The following CNTN5 variants were observed in gnomAD, a reference collection of about 807,000 sequenced individuals.
CNTN5 encodes the protein contactin-5.
In CNTN5, 77 loss-of-function variants were observed where a neutral mutation model predicts 129.1. The ratio of observed to expected loss-of-function variants is 0.60; its 90% CI spans 0.50 to 0.72. CNTN5 has a LOEUF of 0.72. Ranked by LOEUF, CNTN5 falls within the 30% of genes least tolerant of loss-of-function variation. The pLI, the probability that CNTN5 is intolerant of heterozygous loss-of-function variation, is 0.00. For missense variants in CNTN5, 1,478 were observed against 1,328.8 expected (o/e 1.11, Z -1.75); for synonymous variants, 509 against 465.6 (o/e 1.09, Z -1.20).
intron 3 of CNTN5, among the ~76,000 whole-genome samples, chr11:99,777,346 C>T (rs554754695): frequency 4.2e-4 from 64 of 151,880 alleles, no homozygotes; most frequent in Non-Finnish European, 5.9e-4. Flanking sequence ...AAGCACTGTT[C>T]TTCTGTTCAG....
At chr11:99,474,192 TAAG>T (rs781066909) in intron 2 of CNTN5, among the ~76,000 whole-genome samples, 30 of 148,114 alleles carry the variant, frequency 2.0e-4, no homozygotes, top group Non-Finnish European at 4.4e-4. Context: ...TGTATTGTAA[TAAG>T]AAGTTCTAGG....
chr11:100,351,912 T>C (rs1483897780), intron 24 of CNTN5, among the ~76,000 whole-genome samples: 1 of 151,638 alleles, frequency 6.6e-6, no homozygotes, highest in Non-Finnish European at 1.5e-5. Context: ...TTGTGATTTT[T>C]TTTTTTATGC....
At chr11:99,337,598 C>A (rs191969213) in intron 2 of CNTN5, among the ~76,000 whole-genome samples, 2 of 152,258 alleles carry the variant, frequency 1.3e-5, no homozygotes, top group Non-Finnish European at 2.9e-5. Context: ...TGCCCTCATT[C>A]CCGTAAACCC....
intron 1 of CNTN5, among the ~76,000 whole-genome samples, chr11:99,312,279 A>C (rs1050575507): frequency 6.6e-6 from 1 of 152,322 alleles, no homozygotes; most frequent in East Asian, 1.9e-4. Context: ...TATAATATGA[A>C]ACACCGGGGT....
At chr11:99,535,366 A>T (rs1591237427) in intron 2 of CNTN5, among the ~76,000 whole-genome samples, 1 of 152,210 alleles carries the variant, frequency 6.6e-6, no homozygotes, top group Non-Finnish European at 1.5e-5. Flanking sequence ...CAGTAGACAG[A>T]ATAGAAATAT....
At chr11:99,146,085 A>G (rs1859770360) in intron 1 of CNTN5, among the ~76,000 whole-genome samples, 1 of 152,150 alleles carries the variant, frequency 6.6e-6, no homozygotes, top group South Asian at 2.1e-4. Flanking sequence ...ATCTTAACTC[A>G]TCATTACCCT....
intron 1 of CNTN5, among the ~76,000 whole-genome samples, chr11:99,040,000 G>A (rs1228137475): frequency 1.3e-5 from 2 of 152,066 alleles, no homozygotes; most frequent in Non-Finnish European, 2.9e-5. Context: ...GCAGAGAAGA[G>A]ATTTACTGAC....
intron 3 of CNTN5, among the ~76,000 whole-genome samples, chr11:99,658,424 T>G (rs1302365827): frequency 1.3e-5 from 2 of 151,824 alleles, no homozygotes; most frequent in Non-Finnish European, 2.9e-5. Context: ...GAACTAAAAT[T>G]TTATATTCCA....
chr11:99,047,484 T>C (rs916055385), intron 1 of CNTN5, among the ~76,000 whole-genome samples: 2 of 151,982 alleles, frequency 1.3e-5, no homozygotes, highest in African/African-American at 4.8e-5. Context: ...ACTAACATTG[T>C]ATGTAAAATA....
chr11:99,491,431 G>A (rs542650125), intron 2 of CNTN5, among the ~76,000 whole-genome samples: 81 of 152,016 alleles, frequency 5.3e-4, no homozygotes, highest in Non-Finnish European at 8.4e-4. Flanking sequence ...ATTGACTCCC[G>A]GTGGAAGTAT....
chr11:99,231,399 G>T (rs1300622661), intron 1 of CNTN5, among the ~76,000 whole-genome samples: 1 of 152,192 alleles, frequency 6.6e-6, no homozygotes, highest in African/African-American at 2.4e-5. Flanking sequence ...CTAATGATCA[G>T]TGATGTTGAG....
At chr11:99,968,357 A>G (rs1234953167) in intron 8 of CNTN5, among the ~76,000 whole-genome samples, 2 of 152,186 alleles carry the variant, frequency 1.3e-5, no homozygotes, top group East Asian at 1.9e-4. Context: ...TGGGGAGTCT[A>G]TGATTTTCAT....
intron 8 of CNTN5, among the ~76,000 whole-genome samples, chr11:99,996,706 C>T (rs897065415): frequency 8.5e-5 from 13 of 152,156 alleles, no homozygotes; most frequent in Admixed American, 7.9e-4. Flanking sequence ...TTAATTGACT[C>T]ACAGTTTCAC....
At chr11:99,987,072 C>T (rs999296050) in intron 8 of CNTN5, among the ~76,000 whole-genome samples, 4 of 151,672 alleles carry the variant, frequency 2.6e-5, no homozygotes, top group African/African-American at 9.7e-5. Flanking sequence ...TTAAGTATCC[C>T]ACAAAACAAA....
At chr11:99,934,789 C>A (rs1240999587) in intron 7 of CNTN5, among the ~76,000 whole-genome samples, 1 of 151,130 alleles carries the variant, frequency 6.6e-6, no homozygotes, top group Non-Finnish European at 1.5e-5. Flanking sequence ...GCAGGAGAAT[C>A]CCTTGAACAT....
chr11:99,052,214 T>G (rs1215226908), intron 1 of CNTN5, among the ~76,000 whole-genome samples: 1 of 151,840 alleles, frequency 6.6e-6, no homozygotes, highest in Non-Finnish European at 1.5e-5. Flanking sequence ...TGTTTACATA[T>G]ATATACACAC....
chr11:99,485,012 T>C (rs975332587), intron 2 of CNTN5, among the ~76,000 whole-genome samples: 7 of 152,114 alleles, frequency 4.6e-5, no homozygotes, highest in Non-Finnish European at 8.8e-5. Context: ...TGTAGCTCTG[T>C]AGGATGACTA....
chr11:99,541,595 C>G (rs562597983), intron 2 of CNTN5, among the ~76,000 whole-genome samples: 130 of 152,194 alleles, frequency 8.5e-4, no homozygotes, highest in African/African-American at 3.0e-3. Context: ...GGGAAATCCT[C>G]AAATCATGTT....
chr11:99,214,635 T>C (rs568732383), intron 1 of CNTN5, among the ~76,000 whole-genome samples: 2 of 152,082 alleles, frequency 1.3e-5, no homozygotes, highest in African/African-American at 4.8e-5. Flanking sequence ...TCAGACACTT[T>C]TGCACTTCCC....
Sources: allele counts gnomAD v4.1 joint callset (sites outside exome capture counted in the v4.1 genomes callset), GRCh38; gene constraint gnomAD v4.1.1; transcripts MANE v1.5; gene names NCBI Gene and HGNC (gene_info 2026-07-23, HGNC 2026-07-21).